The following PLCB1 variants were observed in gnomAD, a reference collection of about 807,000 sequenced individuals.
PLCB1 encodes the protein 1-phosphatidylinositol 4,5-bisphosphate phosphodiesterase beta-1.
A neutral mutation model predicts 161.8 loss-of-function variants in PLCB1; 46 were observed. The ratio of observed to expected loss-of-function variants is 0.28; its 90% CI spans 0.22 to 0.36. PLCB1 has a LOEUF of 0.36. Among genes scored for constraint, PLCB1 ranks in the 10% least tolerant of loss-of-function variants. PLCB1 has a pLI of 1.00. For missense variants in PLCB1, 1,016 were observed against 1,472.5 expected (o/e 0.69, Z 5.07); for synonymous variants, 517 against 503.7 (o/e 1.03, Z -0.35).
At chr20:8,278,768 T>C (rs1982722185) in intron 2 of PLCB1, among the ~76,000 whole-genome samples, 1 of 152,084 alleles carries the variant, frequency 6.6e-6, no homozygotes, top group Non-Finnish European at 1.5e-5. Flanking sequence ...ATGTTATGAA[T>C]ATATTTTCTA....
At chr20:8,317,520 C>G (rs887763402) in intron 2 of PLCB1, among the ~76,000 whole-genome samples, 1 of 152,032 alleles carries the variant, frequency 6.6e-6, no homozygotes, top group Non-Finnish European at 1.5e-5. Flanking sequence ...TTACACCCCC[C>G]CATCCCCCCG....
At chr20:8,161,027 C>A (rs143198378) in intron 2 of PLCB1, among the ~76,000 whole-genome samples, 1 of 152,046 alleles carries the variant, frequency 6.6e-6, no homozygotes, top group Non-Finnish European at 1.5e-5. Context: ...TTTGCACATA[C>A]CTTTTTATCG....
chr20:8,645,888 CAA>C (rs767304759), intron 4 of PLCB1, among the ~76,000 whole-genome samples: 1 of 152,082 alleles, frequency 6.6e-6, no homozygotes, highest in Non-Finnish European at 1.5e-5. Context: ...CCTTTATGTA[CAA>C]AGAACATCTC....
At chr20:8,335,118 A>G (rs1268162234) in intron 2 of PLCB1, among the ~76,000 whole-genome samples, 1 of 152,206 alleles carries the variant, frequency 6.6e-6, no homozygotes, top group African/African-American at 2.4e-5. Flanking sequence ...GCTATAATAA[A>G]TGTTTTCAAA....
intron 17 of PLCB1, among the ~76,000 whole-genome samples, chr20:8,728,109 TATC>T (rs1231448490): frequency 3.3e-5 from 5 of 152,122 alleles, no homozygotes; most frequent in Non-Finnish European, 7.4e-5. Context: ...GCTAGAAAAT[TATC>T]ATCGTTAGTA....
In PLCB1 at chr20:8,881,815, A is replaced by G. The variant is rs766462366; in HGVS notation, c.3617A>G (p.Asp1206Gly). The G allele has an allele frequency of 6.8e-6, 11 of 1,613,846 alleles. No individual in the cohort carries two copies. The highest frequency in any genetic ancestry group is 8.5e-6 in the Non-Finnish European group (10 of 1,179,728). The stretch of plus-strand genomic sequence containing the variant: ...CCCTCCAGTGAGGAGCTGGGAGGAG[A>G]CATCCCAGGAAAAGAATTTGATACT... Reference protein sequence around the residue: ...KTPSSEELGGDIPGKEFDTPL With the variant: ...KTPSSEELGGGIPGKEFDTPL The change falls in exon 32 of 32, where the codon GAC becomes GGC. Residue 1206 changes from aspartate to glycine, a missense_variant. Physicochemically the swap from Asp to Gly is moderately conservative, Grantham distance 94. Coordinates refer to ENST00000338037, the MANE Select transcript of PLCB1 (RefSeq NM_015192.4).
intron 3 of PLCB1, among the ~76,000 whole-genome samples, chr20:8,600,390 G>C (rs200204150): frequency 7.8e-6 from 1 of 128,978 alleles, no homozygotes; most frequent in Non-Finnish European, 1.7e-5. Context: ...CTGCTGGGGG[G>C]TGCCTCCCAG....
intron 31 of PLCB1, among the ~76,000 whole-genome samples, chr20:8,796,154 C>T (rs768624453): frequency 2.6e-5 from 4 of 152,126 alleles, no homozygotes; most frequent in South Asian, 2.1e-4. Context: ...GAGAGAATTC[C>T]GGGAAGCTTT....
chr20:8,424,665 A>ATTTAGCAAGCAAATACTATGTG (rs1600391542), intron 3 of PLCB1, among the ~76,000 whole-genome samples: 1 of 152,188 alleles, frequency 6.6e-6, no homozygotes, highest in South Asian at 2.1e-4. Flanking sequence ...TAGCATTCGT[A>ATTTAGCAAGCAAATACTATGTG]TTTAGCAAGC....
chr20:8,695,772 AC>A lies in PLCB1; in HGVS notation c.1010-1852del, dbSNP rs540240316. ...TCAAAGAAAATATTTAATAGGGAAAACCAAAGACTTCAATTTGTGTGTTGCT... is the reference window on the plus strand; with the variant it reads ...TCAAAGAAAATATTTAATAGGGAAAACAAAGACTTCAATTTGTGTGTTGCT... On this transcript the variant is annotated intron_variant, in intron 10 of 31. Coordinates refer to ENST00000338037, the MANE Select transcript of PLCB1 (RefSeq NM_015192.4). 2.6e-4 allele frequency among the ~76,000 whole-genome samples: 39 copies of A among 152,322 alleles called. No individual in the cohort carries two copies. The South Asian group carries it at 6.2e-3, about 24-fold the overall frequency.
intron 2 of PLCB1, among the ~76,000 whole-genome samples, chr20:8,352,126 T>C (rs981004611): frequency 1.3e-5 from 2 of 152,106 alleles, no homozygotes; most frequent in Non-Finnish European, 2.9e-5. Context: ...AACTGTGATA[T>C]ATACAATGGA....
intron 2 of PLCB1, among the ~76,000 whole-genome samples, chr20:8,281,998 T>A (rs553690653): frequency 3.9e-5 from 6 of 152,188 alleles, no homozygotes; most frequent in South Asian, 4.1e-4. Context: ...TAAAAAAAAA[T>A]TTTAAATCAG....
At chr20:8,632,243 A>T (rs1372908874) in intron 4 of PLCB1, among the ~76,000 whole-genome samples, 2 of 152,020 alleles carry the variant, frequency 1.3e-5, no homozygotes, top group Non-Finnish European at 2.9e-5. Flanking sequence ...GAAGATGTCT[A>T]TAAATGAGAA....
At chr20:8,780,653 C>T (rs1040495) in intron 27 of PLCB1, among the ~76,000 whole-genome samples, 89,239 of 151,910 alleles carry the variant, frequency 0.59, 27,164 homozygotes, top group Non-Finnish European at 0.66. Context: ...CCCCAGAAAG[C>T]TAAAAAGTTG....
chr20:8,262,335 C>T (rs1981742798), intron 2 of PLCB1, among the ~76,000 whole-genome samples: 1 of 152,078 alleles, frequency 6.6e-6, no homozygotes, highest in Non-Finnish European at 1.5e-5. Flanking sequence ...AGGTGATCCA[C>T]CTGCCTTGGC....
intron 2 of PLCB1, among the ~76,000 whole-genome samples, chr20:8,235,970 T>C (rs1980296975): frequency 6.6e-6 from 1 of 152,144 alleles, no homozygotes. Flanking sequence ...AAGCACTATA[T>C]TTCTGGAAGG....
intron 3 of PLCB1, among the ~76,000 whole-genome samples, chr20:8,482,842 G>T (rs1161688810): frequency 6.6e-6 from 1 of 151,940 alleles, no homozygotes; most frequent in Non-Finnish European, 1.5e-5. Context: ...GAATGTGAGG[G>T]TATTATGGAT....
intron 3 of PLCB1, among the ~76,000 whole-genome samples, chr20:8,499,506 G>T (rs1983315135): frequency 6.6e-6 from 1 of 152,146 alleles, no homozygotes; most frequent in Non-Finnish European, 1.5e-5. Context: ...ATGAAGAGAA[G>T]ATAAAGAGGT....
At chr20:8,212,953 G>A (rs1157913138) in intron 2 of PLCB1, among the ~76,000 whole-genome samples, 1 of 151,948 alleles carries the variant, frequency 6.6e-6, no homozygotes, top group East Asian at 1.9e-4. Context: ...TCTGTATGAA[G>A]GAAAACAAAG....
Sources: gnomAD v4.1 joint callset for allele counts (sites outside exome capture counted in the v4.1 genomes callset) on GRCh38, gnomAD v4.1.1 for gene constraint, MANE v1.5 for transcripts, NCBI Gene and HGNC (gene_info 2026-07-23, HGNC 2026-07-21) for gene names.